OR1J2: variants seen among roughly 807,000 people sequenced by gnomAD.
OR1J2 encodes olfactory receptor 1J2.
For missense variants in OR1J2, 304 were observed against 246.1 expected (o/e 1.24, Z -1.57); for synonymous variants, 142 against 99.7 (o/e 1.42, Z -2.52).
chr9:122,479,327 T>C, the OR1J2 span, among the ~76,000 whole-genome samples: 7 of 152,216 alleles, frequency 4.6e-5, no homozygotes, highest in Non-Finnish European at 7.3e-5. Flanking sequence ...AGCATTTTAC[T>C]GACTGTGTCA....
At chr9:122,577,770 C>G in the OR1J2 span, among the ~76,000 whole-genome samples, 1 of 152,142 alleles carries the variant, frequency 6.6e-6, no homozygotes, top group African/African-American at 2.4e-5. Context: ...CCAAAGGAAA[C>G]AGTTGAAAGT....
chr9:122,510,894 C>T lies in OR1J2; in HGVS notation c.93C>T (p.Phe31=), dbSNP rs765004628. ...AGCAGGCTGTGTTCTTCACCCTGTT[C>T]CTGGGCATGTACCTGACCACGGTGC... ...PEQQAVFFTL[F]LGMYLTTVLG... is the part of the protein sequence containing the mutation. The change falls in exon 1 of 1, where the codon TTC becomes TTT. Residue 31 remains phenylalanine, a synonymous_variant. Coordinates refer to ENST00000335302, the MANE Select transcript of OR1J2 (RefSeq NM_054107.1). 1.9e-6 allele frequency: 3 copies of T among 1,611,814 alleles called. No homozygotes were observed. Among genetic ancestry groups the T allele is most frequent in the South Asian group, 2.2e-5 (2 of 91,036 alleles).
At chr9:122,568,097 GA>G in the OR1J2 span, 1 of 1,613,962 alleles carries the variant, frequency 6.2e-7, no homozygotes, top group Non-Finnish European at 8.5e-7. Context: ...AAGGGTCACA[GA>G]CGGCCACATA....
At chr9:122,467,100 C>T in the OR1J2 span, among the ~76,000 whole-genome samples, 1 of 152,204 alleles carries the variant, frequency 6.6e-6, no homozygotes, top group East Asian at 1.9e-4. Context: ...GCTGGGATTA[C>T]AGGCATGAGC....
the OR1J2 span, among the ~76,000 whole-genome samples, chr9:122,529,061 A>G: frequency 2.0e-5 from 3 of 152,226 alleles, no homozygotes; most frequent in African/African-American, 7.2e-5. Flanking sequence ...AGTGGATAGC[A>G]ACATCTGAGA....
the OR1J2 span, among the ~76,000 whole-genome samples, chr9:122,573,176 C>G: frequency 2.4e-4 from 37 of 152,286 alleles, no homozygotes; most frequent in African/African-American, 8.4e-4. Flanking sequence ...CTGTGGTGTG[C>G]TGACCCCTCA....
chr9:122,476,195 C>T, the OR1J2 span, among the ~76,000 whole-genome samples: 1 of 152,300 alleles, frequency 6.6e-6, no homozygotes, highest in East Asian at 1.9e-4. Context: ...AAGGACAAGA[C>T]AGCAGTGTGT....
the OR1J2 span, among the ~76,000 whole-genome samples, chr9:122,518,790 T>C: frequency 7.2e-3 from 1,094 of 152,326 alleles, 41 homozygotes; most frequent in South Asian, 0.096. Flanking sequence ...ACATGAAGGC[T>C]CATGACTAGC....
the OR1J2 span, among the ~76,000 whole-genome samples, chr9:122,469,219 C>T: frequency 0.63 from 95,913 of 152,042 alleles, 30,624 homozygotes; most frequent in Middle Eastern, 0.73. Context: ...TGTCCCCACC[C>T]AAATCTCATC....
chr9:122,511,136 G>T lies in OR1J2; in HGVS notation c.335G>T (p.Ser112Ile), dbSNP rs371690383. 2 of 815,596 alleles carry T rather than the reference G, an allele frequency of 2.5e-6. No homozygotes were observed. The highest frequency in any genetic ancestry group is 1.7e-5 in the African/African-American group (1 of 58,626). The allele number at this position is 815,596 out of a possible 1,614,324, so 50.5% of individuals were successfully genotyped here. A position where few individuals can be genotyped will look rare whatever the true frequency, so the allele number is the denominator to read the frequency against. Reference protein sequence around the residue: ...YFFIFFTDLDSFLITSMAYDR... With the variant: ...YFFIFFTDLDIFLITSMAYDR... ...TTTATATTTTTTACTGACCTGGACA[G>T]CTTCCTTATTACATCAATGGCATAT... Residue 112 changes from serine (S) to isoleucine (I), a missense_variant, in exon 1 of 1, where the codon AGC becomes ATC. Transcript: ENST00000335302.
At chr9:122,561,300 CAG>C in the OR1J2 span, among the ~76,000 whole-genome samples, 1 of 152,148 alleles carries the variant, frequency 6.6e-6, no homozygotes, top group Non-Finnish European at 1.5e-5. Flanking sequence ...TTTAGCTCAG[CAG>C]AGTTTGTTAT....
chr9:122,524,647 G>A, the OR1J2 span, among the ~76,000 whole-genome samples: 4 of 152,164 alleles, frequency 2.6e-5, no homozygotes, highest in Admixed American at 6.5e-5. Context: ...TAAATTTACC[G>A]CACTATCAGT....
At chr9:122,487,221 C>T in the OR1J2 span, among the ~76,000 whole-genome samples, 1 of 152,006 alleles carries the variant, frequency 6.6e-6, no homozygotes. Context: ...ATGTTTATAA[C>T]TATTTATAAA....
chr9:122,519,101 T>G, the OR1J2 span: 1 of 1,411,500 alleles, frequency 7.1e-7, no homozygotes, highest in African/African-American at 1.4e-5. Context: ...TCTGCCTTTT[T>G]CAATGTCCCT....
downstream of OR1J2, chr9:122,511,811 T>C: frequency 1.3e-6 from 1 of 750,378 alleles, no homozygotes; most frequent in Admixed American, 1.8e-5. Context: ...TCCATTTGAA[T>C]ATGTCTCAAA....
At chr9:122,511,871 A>C (rs754029143), downstream of OR1J2, 1 of 630,726 alleles carries the variant, frequency 1.6e-6, no homozygotes, top group Non-Finnish European at 2.9e-6. Context: ...GTTGAATGTA[A>C]TTGGTAAATA....
At chr9:122,520,335 T>C in the OR1J2 span, among the ~76,000 whole-genome samples, 1 of 152,250 alleles carries the variant, frequency 6.6e-6, no homozygotes, top group Non-Finnish European at 1.5e-5. Flanking sequence ...TTTTATTTCC[T>C]GGAAATTTAT....
At chr9:122,573,178 G>C in the OR1J2 span, among the ~76,000 whole-genome samples, 1 of 152,148 alleles carries the variant, frequency 6.6e-6, no homozygotes, top group South Asian at 2.1e-4. Flanking sequence ...GTGGTGTGCT[G>C]ACCCCTCAGG....
chr9:122,576,089 T>G, the OR1J2 span, among the ~76,000 whole-genome samples: 4 of 152,228 alleles, frequency 2.6e-5, no homozygotes, highest in African/African-American at 9.6e-5. Flanking sequence ...CTTAATAATA[T>G]TGTAAGGCTG....
Sources: gnomAD v4.1 joint callset for allele counts (sites outside exome capture counted in the v4.1 genomes callset) on GRCh38, gnomAD v4.1.1 for gene constraint, MANE v1.5 for transcripts, NCBI Gene and HGNC (gene_info 2026-07-23, HGNC 2026-07-21) for gene names.